Variants in OLFM1 observed in about 807,000 individuals in gnomAD.
OLFM1 encodes the protein noelin.
OLFM1 carries 9 observed loss-of-function variants against 49.7 expected under a neutral mutation model. The ratio of observed to expected loss-of-function variants is 0.18; its 90% CI spans 0.11 to 0.32. The LOEUF is 0.32. Among genes scored for constraint, OLFM1 ranks in the 10% least tolerant of loss-of-function variants. The pLI is 1.00. For missense variants in OLFM1, 369 were observed against 661.8 expected, an observed-to-expected ratio of 0.56 and a Z score of 4.85; for synonymous variants, 240 against 271.8, an observed-to-expected ratio of 0.88 and a Z score of 1.15.
intron 5 of OLFM1, among the ~76,000 whole-genome samples, chr9:135,118,308 A>G (rs537734576): frequency 1.3e-4 from 17 of 127,888 alleles, no homozygotes; most frequent in Admixed American, 7.0e-4. Context: ...AGTGCTCACC[A>G]GGTCTTTGGA....
At position 135,092,245 on chromosome 9, in the gene OLFM1, C is replaced by T. The variant is rs546667701; in HGVS notation, c.300+1901C>T. On this transcript the variant is annotated intron_variant, in intron 2 of 5. Coordinates refer to ENST00000371793, the MANE Select transcript of OLFM1 (RefSeq NM_001282611.2). ...GAAGGAGAGGGTGGGCTAGAGGTTTCGAGTGCCCACCCAGCTCTGACGGGC... is the reference window on the plus strand; with the variant it reads ...GAAGGAGAGGGTGGGCTAGAGGTTTTGAGTGCCCACCCAGCTCTGACGGGC... 6.6e-5 allele frequency among the ~76,000 whole-genome samples: 10 copies of T among 152,242 alleles called. No homozygotes were observed. In the South Asian group the frequency reaches 2.1e-3, roughly 32 times the overall value.
upstream of OLFM1, among the ~76,000 whole-genome samples, chr9:135,086,923 C>G (rs1830604650): frequency 6.6e-6 from 1 of 152,184 alleles, no homozygotes; most frequent in Admixed American, 6.5e-5. Flanking sequence ...TGGGCGTGGT[C>G]CCTTCAGCTC....
intron 1 of OLFM1, among the ~76,000 whole-genome samples, chr9:135,081,858 C>T (rs1036637278): frequency 6.6e-6 from 1 of 152,190 alleles, no homozygotes; most frequent in Non-Finnish European, 1.5e-5. Flanking sequence ...GACACGTGCA[C>T]CCGACACGCC....
Position 135,098,234 on chromosome 9 carries a change from T to C in OLFM1, c.457-52T>C. The C allele has an allele frequency of 1.5e-5, 24 of 1,588,860 alleles. No homozygotes were observed. Among genetic ancestry groups the C allele is most frequent in the Non-Finnish European group, 2.1e-5 (24 of 1,160,744 alleles). On this transcript the variant is annotated intron_variant, in intron 3 of 5. Coordinates refer to ENST00000371793, the MANE Select transcript of OLFM1 (RefSeq NM_001282611.2). The surrounding 1 kb of genome is among the most constrained non-coding windows in gnomAD (Gnocchi z 5.6). ...AGGGAGAAGCCAGGCCAAGGCAGGG[T>C]GTGAGAGTTCTTGCATGCATCGCAC...
chr9:135,113,547 C>T lies in OLFM1; in HGVS notation c.784-5957C>T, dbSNP rs912318204. On this transcript the variant is annotated intron_variant, in intron 5 of 5. Transcript: ENST00000371793. This position sits in a 1 kb window ranked among gnomAD's most constrained non-coding sequence, Gnocchi z 4.0. ...AGAGGGGTGGAAACTCCCCAGGTCT[C>T]GCTGGAGACTGGCGGTGGCTGGCGG... Among the ~76,000 whole-genome samples, 1 of 152,170 alleles carries T rather than the reference C, an allele frequency of 6.6e-6. No individual in the cohort carries two copies. Among genetic ancestry groups the T allele is most frequent in the Admixed American group, 6.5e-5 (1 of 15,284 alleles).
Position 135,120,333 on chromosome 9 carries a change from G to A in OLFM1, c.*155G>A, listed in dbSNP as rs578019635. 29 of 699,918 alleles carry A rather than the reference G, an allele frequency of 4.1e-5. No homozygotes were observed. Among genetic ancestry groups the A allele is most frequent in the African/African-American group, 2.7e-4 (15 of 55,776 alleles). 43.4% of individuals were successfully genotyped at this position (699,918 alleles called of 1,614,324 possible). ...CATCGAGGGATGGCATTACCTCCGT[G>A]TTTCTCCCTTTCGAGCCGGCGGGCC... On this transcript the variant is annotated 3_prime_UTR_variant, in exon 6 of 6. Coordinates refer to ENST00000371793, the MANE Select transcript of OLFM1 (RefSeq NM_001282611.2).
rs754843071 is a variant in OLFM1 at position 135,117,088 on chromosome 9, C to T, written c.784-2416C>T. 3.9e-5 allele frequency among the ~76,000 whole-genome samples: 6 copies of T among 152,152 alleles called. No homozygotes were observed. The highest frequency in any genetic ancestry group is 3.2e-3 in the Middle Eastern group (1 of 316). On this transcript the variant is annotated intron_variant, in intron 5 of 5. Coordinates refer to ENST00000371793, the MANE Select transcript of OLFM1 (RefSeq NM_001282611.2). The surrounding 1 kb of genome is among the most constrained non-coding windows in gnomAD (Gnocchi z 5.5). ...CATTGCCAGACAGATGCATGCAGAG[C>T]GGCACCAGCCTGCCAGACTCCCTCT...
At chr9:135,076,910 G>C in intron 1 of OLFM1, 1 of 1,550,664 alleles carries the variant, frequency 6.4e-7, no homozygotes, top group Non-Finnish European at 8.7e-7. Context: ...TGTTTTGCCT[G>C]GAAGCCCACG....
chr9:135,076,663 A>G, intron 1 of OLFM1: 1 of 1,257,248 alleles, frequency 8.0e-7, no homozygotes, highest in Non-Finnish European at 1.1e-6. Context: ...ATGCCCTTTC[A>G]ATGATGCCAC....
chr9:135,091,768 GTC>G (rs1491341376), intron 2 of OLFM1, among the ~76,000 whole-genome samples: 1 of 28,512 alleles, frequency 3.5e-5, no homozygotes, highest in East Asian at 9.1e-4. Flanking sequence ...CACTCACACA[GTC>G]ACACACACAC....
chr9:135,098,565 G>C lies in OLFM1; in HGVS notation c.676+60G>C. The C allele has an allele frequency of 2.0e-6, 3 of 1,480,554 alleles. No individual in the cohort carries two copies. Among genetic ancestry groups the C allele is most frequent in the Non-Finnish European group, 2.8e-6 (3 of 1,063,938 alleles). 91.7% of individuals were successfully genotyped at this position (1,480,554 alleles called of 1,614,324 possible). On this transcript the variant is annotated intron_variant, in intron 4 of 5. Coordinates refer to ENST00000371793, the MANE Select transcript of OLFM1 (RefSeq NM_001282611.2). The surrounding 1 kb of genome is among the most constrained non-coding windows in gnomAD (Gnocchi z 5.6). ...CTGCCCACCTCCGGCACACGCACAG[G>C]CTTAGGGAGTGGTGCTGAAGTGGAC...
At chr9:135,090,369 T>C (rs1199062495) in intron 2 of OLFM1, 25 bp downstream of exon 2, 20 of 1,501,130 alleles carry the variant, frequency 1.3e-5, no homozygotes, top group Non-Finnish European at 1.7e-5. Context: ...AGTGTGTGAG[T>C]TTGTATGTGT....
At position 135,080,742 on chromosome 9, in the gene OLFM1, C is replaced by A. The variant is rs1195511931; in HGVS notation, c.96+4940C>A. Among the ~76,000 whole-genome samples the A allele has an allele frequency of 1.3e-5, 2 of 152,122 alleles. No homozygotes were observed. Among genetic ancestry groups the A allele is most frequent in the Non-Finnish European group, 2.9e-5 (2 of 68,028 alleles). ...AAAGTAATACAAAACTAATTACTAG[C>A]TAAACTGAATTAGATACATGGCAAC... On this transcript the variant is annotated intron_variant, in intron 1 of 5. Coordinates refer to the OLFM1 transcript ENST00000252854. This position sits in a 1 kb window ranked among gnomAD's most constrained non-coding sequence, Gnocchi z 4.5.
chr9:135,086,403 G>GC (rs1181432501), upstream of OLFM1, among the ~76,000 whole-genome samples: 3 of 152,388 alleles, frequency 2.0e-5, no homozygotes, highest in Admixed American at 2.0e-4. Flanking sequence ...AGTCTCTTCA[G>GC]CCGAGGACTG....
intron 5 of OLFM1, among the ~76,000 whole-genome samples, chr9:135,119,239 G>T (rs1831150121): frequency 1.3e-5 from 2 of 151,894 alleles, no homozygotes; most frequent in South Asian, 2.1e-4. Flanking sequence ...GTACTCACTG[G>T]GTCTTTGGAG....
intron 4 of OLFM1, among the ~76,000 whole-genome samples, chr9:135,101,719 G>C (rs1350348328): frequency 6.6e-6 from 1 of 152,204 alleles, no homozygotes; most frequent in African/African-American, 2.4e-5. Context: ...CTCTCCAGGG[G>C]AGCCTGCAGA....
At position 135,076,041 on chromosome 9, in the gene OLFM1, G is replaced by A. The variant is rs1830460647; in HGVS notation, c.96+239G>A. ...CCCCGGCTCAGCAGAGCTGACAGCT[G>A]CCCCCTTTTTCCTAGGACTCCGCTG... is the stretch of plus-strand genomic sequence containing the variant. On this transcript the variant is annotated intron_variant, in intron 1 of 5. Coordinates refer to the OLFM1 transcript ENST00000252854. 5 of 1,449,986 alleles carry A rather than the reference G, an allele frequency of 3.4e-6. No individual in the cohort carries two copies. The African/African-American group carries it at 5.8e-5, about 17-fold the overall frequency. 89.8% of individuals were successfully genotyped at this position (1,449,986 alleles called of 1,614,324 possible).
intron 5 of OLFM1, among the ~76,000 whole-genome samples, chr9:135,107,067 A>C (rs1830954910): frequency 6.6e-6 from 1 of 152,170 alleles, no homozygotes; most frequent in South Asian, 2.1e-4. Flanking sequence ...CCAGGGAGTG[A>C]CATGAGGTTG....
intron 2 of OLFM1, among the ~76,000 whole-genome samples, chr9:135,091,554 CTCAT>C (rs199780315): frequency 3.8e-4 from 34 of 89,770 alleles, no homozygotes; most frequent in Admixed American, 1.1e-3. Context: ...TAGTCACACA[CTCAT>C]AGTCACACAC....
Sources: gnomAD v4.1 joint callset for allele counts (sites outside exome capture counted in the v4.1 genomes callset) on GRCh38, gnomAD v4.1.1 for gene constraint, Gnocchi (gnomAD v3.1) non-coding constraint, MANE v1.5 for transcripts, NCBI Gene and HGNC (gene_info 2026-07-23, HGNC 2026-07-21) for gene names.